The following SAMMSON variants were observed in gnomAD, a reference collection of about 807,000 sequenced individuals.
SAMMSON encodes the protein long intergenic non-protein coding RNA 1212.
intron 6 of SAMMSON, among the ~76,000 whole-genome samples, chr3:70,279,074 T>C (rs7651174): frequency 0.55 from 80,831 of 147,974 alleles, 22,572 homozygotes; most frequent in Middle Eastern, 0.63. Context: ...CATCTTCTCA[T>C]TTGCCCAAGC....
At chr3:70,373,740 G>C (rs1409121111) in intron 9 of SAMMSON, among the ~76,000 whole-genome samples, 1 of 151,992 alleles carries the variant, frequency 6.6e-6, no homozygotes, top group Non-Finnish European at 1.5e-5. Flanking sequence ...TTTTGCTATA[G>C]AGCCTATTTA....
intron 6 of SAMMSON, among the ~76,000 whole-genome samples, chr3:70,264,165 A>G (rs1701893376): frequency 1.3e-5 from 2 of 152,258 alleles, no homozygotes; most frequent in South Asian, 4.1e-4. Flanking sequence ...TTTTGCATTT[A>G]TTCATTTTAA....
intron 3 of SAMMSON, among the ~76,000 whole-genome samples, chr3:70,056,906 A>T (rs927453173): frequency 1.3e-5 from 2 of 152,046 alleles, no homozygotes; most frequent in Non-Finnish European, 2.9e-5. Context: ...AGCCTAATCT[A>T]TATAAATGAA....
intron 6 of SAMMSON, among the ~76,000 whole-genome samples, chr3:70,277,486 T>A (rs1045906430): frequency 1.3e-5 from 2 of 152,156 alleles, no homozygotes; most frequent in African/African-American, 4.8e-5. Flanking sequence ...CTTGATAATA[T>A]TTAGAATAAG....
At position 70,306,471 on chromosome 3, in the gene SAMMSON, G is replaced by C. The variant is rs192587170; in HGVS notation, n.739+15228G>C. Among the ~76,000 whole-genome samples the C allele has an allele frequency of 2.6e-5, 4 of 152,016 alleles. No homozygotes were observed. In the East Asian group the frequency reaches 7.7e-4, roughly 29 times the overall value. ...TCATGTGACTGCTTACAGAAAAGAA[G>C]CTATACTTAATTCAAAATAACTACA... On this transcript the variant is annotated intron_variant and non_coding_transcript_variant, in intron 7 of 9. Transcript: ENST00000642114.
chr3:70,040,028 T>C (rs2067100599), intron 3 of SAMMSON, among the ~76,000 whole-genome samples: 1 of 152,054 alleles, frequency 6.6e-6, no homozygotes, highest in Non-Finnish European at 1.5e-5. Flanking sequence ...GGCAACATGA[T>C]ATGGTGATTT....
downstream of SAMMSON, among the ~76,000 whole-genome samples, chr3:70,393,890 T>C (rs534603709): frequency 5.1e-4 from 78 of 152,296 alleles, no homozygotes; most frequent in Non-Finnish European, 9.7e-4. Flanking sequence ...GGATCATTTA[T>C]GCATTTTACG....
chr3:70,344,354 G>T (rs2106730761), intron 7 of SAMMSON, among the ~76,000 whole-genome samples: 2 of 152,224 alleles, frequency 1.3e-5, no homozygotes, highest in Middle Eastern at 6.8e-3. Flanking sequence ...TTTGGCTTGG[G>T]ATGGTTGGAG....
At chr3:70,268,234 G>A (rs1388542678) in intron 6 of SAMMSON, among the ~76,000 whole-genome samples, 5 of 152,086 alleles carry the variant, frequency 3.3e-5, no homozygotes, top group African/African-American at 7.2e-5. Flanking sequence ...ACTTTGGGGG[G>A]CCAAGGCAGG....
At chr3:70,157,503 G>C (rs1402982272) in intron 4 of SAMMSON, among the ~76,000 whole-genome samples, 1 of 152,100 alleles carries the variant, frequency 6.6e-6, no homozygotes, top group Non-Finnish European at 1.5e-5. Flanking sequence ...AAGGTCCCTA[G>C]TGGAATGAAA....
chr3:70,221,513 C>G (rs916560139), intron 4 of SAMMSON, among the ~76,000 whole-genome samples: 2 of 151,984 alleles, frequency 1.3e-5, no homozygotes, highest in Admixed American at 1.3e-4. Context: ...GCAGGAGATA[C>G]AAAGATGAAT....
At chr3:70,065,558 A>C (rs769882428) in intron 3 of SAMMSON, among the ~76,000 whole-genome samples, 4 of 152,094 alleles carry the variant, frequency 2.6e-5, no homozygotes, top group Non-Finnish European at 5.9e-5. Context: ...ATCTGAAGCC[A>C]TTCCAATGTG....
At chr3:70,215,433 C>T (rs974267995) in intron 4 of SAMMSON, among the ~76,000 whole-genome samples, 4 of 152,062 alleles carry the variant, frequency 2.6e-5, no homozygotes, top group Non-Finnish European at 5.9e-5. Flanking sequence ...GTTAATTGAT[C>T]CTGCTGGTAT....
intron 7 of SAMMSON, among the ~76,000 whole-genome samples, chr3:70,314,615 C>T (rs781413822): frequency 1.2e-4 from 19 of 152,052 alleles, no homozygotes; most frequent in Admixed American, 7.2e-4. Flanking sequence ...CAATTAAGAA[C>T]CTGGAGAGAA....
intron 6 of SAMMSON, among the ~76,000 whole-genome samples, chr3:70,251,225 A>G (rs979064586): frequency 6.6e-6 from 1 of 152,218 alleles, no homozygotes; most frequent in Non-Finnish European, 1.5e-5. Flanking sequence ...TTACTGTCTC[A>G]GAATTTTGAG....
At chr3:70,282,347 T>A (rs1286691987) in intron 6 of SAMMSON, among the ~76,000 whole-genome samples, 2 of 152,122 alleles carry the variant, frequency 1.3e-5, no homozygotes, top group Non-Finnish European at 2.9e-5. Flanking sequence ...CCTATCAAAT[T>A]CCCAAATGCT....
chr3:70,412,520 G>A (rs554359801), intron 2 of SAMMSON, among the ~76,000 whole-genome samples: 24 of 152,262 alleles, frequency 1.6e-4, no homozygotes, highest in African/African-American at 5.8e-4. Context: ...ACAGGATATC[G>A]AATGGTGCAG....
chr3:70,035,889 TG>T lies in SAMMSON; in HGVS notation n.417+22218del, dbSNP rs576519440. On this transcript the variant is annotated intron_variant and non_coding_transcript_variant, in intron 3 of 9. Transcript: ENST00000642114. ...AATCCTATATCATAGGTAATGTAAC[TG>T]ACCAAATAAATAAAGTATAACAAAG... is the stretch of plus-strand genomic sequence containing the variant. Among the ~76,000 whole-genome samples, 714 of 152,266 alleles carry T rather than the reference TG, an allele frequency of 4.7e-3. 9 individuals carry two copies. The highest frequency in any genetic ancestry group is 0.016 in the African/African-American group (667 of 41,558).
chr3:70,116,548 T>C (rs931271448), intron 4 of SAMMSON, among the ~76,000 whole-genome samples: 1 of 151,990 alleles, frequency 6.6e-6, no homozygotes, highest in Admixed American at 6.6e-5. Context: ...TTTCATTTGC[T>C]TAAAATGAAA....
Sources: gnomAD v4.1 joint callset for allele counts (sites outside exome capture counted in the v4.1 genomes callset) on GRCh38, gnomAD v4.1.1 for gene constraint, MANE v1.5 for transcripts, NCBI Gene and HGNC (gene_info 2026-07-23, HGNC 2026-07-21) for gene names.